Variants in GATB observed in about 807,000 individuals in gnomAD.
GATB encodes glutamyl-tRNA amidotransferase subunit B.
A neutral mutation model predicts 62.3 loss-of-function variants in GATB; 39 were observed. The observed-to-expected ratio is 0.63, with a 90% CI of 0.48 to 0.82. The LOEUF (loss-of-function observed/expected upper bound fraction) is 0.82, where lower values mean the gene tolerates loss of function less well. GATB is among the 40% of genes least tolerant of loss of function. The probability of loss-of-function intolerance (pLI) is 0.00; values close to 1 mark genes in which losing one functional copy is unlikely to be tolerated. For synonymous variants in GATB, 276 were observed against 258.9 expected, an observed-to-expected ratio of 1.07 and a Z score of -0.63; for missense variants, 670 against 684.0, an observed-to-expected ratio of 0.98 and a Z score of 0.23.
At chr4:151,692,889 G>A (rs1392655185) in intron 9 of GATB, among the ~76,000 whole-genome samples, 1 of 152,222 alleles carries the variant, frequency 6.6e-6, no homozygotes, top group Non-Finnish European at 1.5e-5. Flanking sequence ...TGTGATGGGA[G>A]CTGCTGACTA....
chr4:151,709,253 C>T (rs533587979), intron 5 of GATB, among the ~76,000 whole-genome samples: 180 of 152,286 alleles, frequency 1.2e-3, no homozygotes, highest in Non-Finnish European at 1.2e-3. Flanking sequence ...GGGGCCTATA[C>T]CAAGCTGGAG....
intron 1 of GATB, among the ~76,000 whole-genome samples, chr4:151,759,678 A>G (rs1323129211): frequency 6.6e-6 from 1 of 151,962 alleles, no homozygotes; most frequent in African/African-American, 2.4e-5. Flanking sequence ...GGTCAGTCCT[A>G]CTCTGTTGGG....
chr4:151,689,676 C>T (rs2126961518), intron 9 of GATB, among the ~76,000 whole-genome samples: 1 of 152,078 alleles, frequency 6.6e-6, no homozygotes, highest in Non-Finnish European at 1.5e-5. Flanking sequence ...ACTTTTGCAC[C>T]AACCTAATAT....
At chr4:151,741,346 G>T (rs1739481583) in intron 2 of GATB, among the ~76,000 whole-genome samples, 1 of 152,124 alleles carries the variant, frequency 6.6e-6, no homozygotes. Context: ...CAGATTTTTG[G>T]TTGCAGTAGT....
intron 12 of GATB, 101 bp from the exon 13 acceptor site, chr4:151,671,403 T>A: frequency 8.9e-7 from 1 of 1,122,364 alleles, no homozygotes; most frequent in Non-Finnish European, 1.3e-6. Context: ...TAAATTCCGC[T>A]TATTTCCACT....
At chr4:151,708,983 T>A (rs748371993) in intron 5 of GATB, among the ~76,000 whole-genome samples, 4 of 152,222 alleles carry the variant, frequency 2.6e-5, no homozygotes, top group Non-Finnish European at 4.4e-5. Context: ...GCTCTCAGAT[T>A]CTCTGTTCCT....
At chr4:151,759,018 GTTT>G (rs1452010314) in intron 1 of GATB, 96 bp from the exon 2 acceptor site, 2 of 800,062 alleles carry the variant, frequency 2.5e-6, no homozygotes, top group Non-Finnish European at 3.8e-6. Flanking sequence ...TCCTATATGT[GTTT>G]TAAACTTAAT....
intron 5 of GATB, among the ~76,000 whole-genome samples, chr4:151,709,269 C>T (rs759566758): frequency 2.6e-5 from 4 of 152,152 alleles, no homozygotes; most frequent in East Asian, 1.9e-4. Context: ...TGGAGGTCGC[C>T]GGCGGCCCGT....
At chr4:151,672,291 T>G (rs1737889548) in intron 12 of GATB, among the ~76,000 whole-genome samples, 1 of 152,208 alleles carries the variant, frequency 6.6e-6, no homozygotes, top group South Asian at 2.1e-4. Flanking sequence ...CCACAATTTA[T>G]GAATACTTTT....
chr4:151,758,791 G>A lies in GATB; in HGVS notation c.308C>T (p.Ser103Phe). Residue 103 changes from serine (S) to phenylalanine (F), a missense_variant, in exon 2 of 13, where the codon TCT becomes TTT. Transcript: ENST00000263985. The part of the protein sequence containing the change: ...PNSLVSFFDA[S>F]LPGTLPVLNR... ...TCTTACCGGCAAAGTTCCAGGTAGA[G>A]ATGCATCAAAAAAAGAAACCAAAGA... 1.2e-6 allele frequency: 2 copies of A among 1,601,624 alleles called. No individual in the cohort carries two copies. The highest frequency in any genetic ancestry group is 1.1e-5 in the South Asian group (1 of 87,896).
In GATB at chr4:151,719,542, TGGGAACACAACACA is replaced by T. The variant is rs1292232601; in HGVS notation, c.328-18_328-5del. 2.5e-6 allele frequency: 4 copies of T among 1,591,772 alleles called. No individual in the cohort carries two copies. The African/African-American group carries it at 5.4e-5, about 22-fold the overall frequency. ...CTACACACCTCCTGTTGAGAACCTA[TGGGAACACAACACA>T]CAGTTCCTCTCAGAACCGCAGGCTG... On this transcript the variant is annotated splice_region_variant and splice_polypyrimidine_tract_variant and intron_variant, in intron 2 of 12. Coordinates refer to ENST00000263985, the MANE Select transcript of GATB (RefSeq NM_004564.3).
intron 2 of GATB, among the ~76,000 whole-genome samples, chr4:151,737,601 A>G (rs957352138): frequency 2.0e-5 from 3 of 152,194 alleles, no homozygotes; most frequent in Non-Finnish European, 4.4e-5. Context: ...CAGGGGGAAA[A>G]TGTCTCCAGG....
chr4:151,704,542 C>T (rs184284807), intron 7 of GATB, among the ~76,000 whole-genome samples: 2,097 of 151,930 alleles, frequency 0.014, 23 homozygotes, highest in Middle Eastern at 0.024. Flanking sequence ...CAAGCTCCGC[C>T]TCCTGGGTTT....
intron 12 of GATB, among the ~76,000 whole-genome samples, chr4:151,671,793 C>T (rs192466847): frequency 2.2e-4 from 34 of 152,208 alleles, no homozygotes; most frequent in African/African-American, 7.2e-4. Context: ...TCTTCCAGAG[C>T]GCTGGGTCGG....
At chr4:151,697,937 ATGTGTGTGTG>A (rs149235830) in intron 9 of GATB, among the ~76,000 whole-genome samples, 3 of 55,772 alleles carry the variant, frequency 5.4e-5, no homozygotes, top group African/African-American at 1.5e-4. Context: ...TTTCATATAT[ATGTGTGTGTG>A]TGTGTGTATA....
At chr4:151,695,624 C>T (rs1328357060) in intron 9 of GATB, among the ~76,000 whole-genome samples, 1 of 152,146 alleles carries the variant, frequency 6.6e-6, no homozygotes, top group Non-Finnish European at 1.5e-5. Context: ...ACAGCCAGGG[C>T]CCTGCAAGCT....
chr4:151,721,996 C>T (rs1560856645), intron 2 of GATB: 1 of 570,142 alleles, frequency 1.8e-6, no homozygotes, highest in African/African-American at 1.9e-5. Flanking sequence ...GATTTAGAAG[C>T]CATGAAGTAC....
chr4:151,697,983 A>ATATG (rs1553967163), intron 9 of GATB, among the ~76,000 whole-genome samples: 3 of 133,538 alleles, frequency 2.2e-5, no homozygotes, highest in African/African-American at 9.1e-5. Flanking sequence ...ATATATATAT[A>ATATG]TATATATATA....
In GATB at chr4:151,701,383, T is replaced by C. The variant is rs1287554086; in HGVS notation, c.1143A>G (p.Arg381=). The change falls in exon 9 of 13, where the codon CGA becomes CGG. Residue 381 remains arginine, a synonymous_variant. Transcript: ENST00000263985. ...TCCCATACTGTTGGACAAGCTTCTC[T>C]CGGGTCACACTGGGGAGCTCCGGGA... ...ETLPELPSVT[R]EKLVQQYGML... is the part of the protein sequence containing the mutation. The C allele has an allele frequency of 1.2e-5, 19 of 1,599,272 alleles. 1 individual carries two copies. The South Asian group carries it at 1.9e-4, about 16-fold the overall frequency.
Sources: allele counts gnomAD v4.1 joint callset (sites outside exome capture counted in the v4.1 genomes callset), GRCh38; gene constraint gnomAD v4.1.1; transcripts MANE v1.5; gene names NCBI Gene and HGNC (gene_info 2026-07-23, HGNC 2026-07-21).